The following LIPH variants were observed in gnomAD, a reference collection of about 807,000 sequenced individuals.
The protein encoded by LIPH is lipase H, also known as lipase member H.
A neutral mutation model predicts 47.6 loss-of-function variants in LIPH; 32 were observed. That is an observed-to-expected ratio of 0.67 (90% CI 0.51 to 0.90). The LOEUF (loss-of-function observed/expected upper bound fraction) is 0.90, where lower values mean the gene tolerates loss of function less well. Ranked by LOEUF, LIPH falls within the 40% of genes least tolerant of loss-of-function variation. The probability of loss-of-function intolerance (pLI) is 0.00; values close to 1 mark genes in which losing one functional copy is unlikely to be tolerated. For missense variants in LIPH, 497 were observed against 541.4 expected, an observed-to-expected ratio of 0.92 and a Z score of 0.81; for synonymous variants, 190 against 195.6, an observed-to-expected ratio of 0.97 and a Z score of 0.24.
chr3:185,525,215 A>AAAT (rs762317798), intron 4 of LIPH, among the ~76,000 whole-genome samples: 113 of 152,194 alleles, frequency 7.4e-4, no homozygotes, highest in African/African-American at 2.7e-3. Flanking sequence ...CTGTCTTAAA[A>AAAT]AATAATAATA....
intron 7 of LIPH, among the ~76,000 whole-genome samples, chr3:185,515,806 C>G (rs1719713580): frequency 6.6e-6 from 1 of 152,188 alleles, no homozygotes; most frequent in Admixed American, 6.5e-5. Context: ...GCTGGGAATG[C>G]AGGCGTGAGC....
chr3:185,552,227 C>T (rs1355385631), intron 1 of LIPH, among the ~76,000 whole-genome samples, 196 bp downstream of exon 1: 2 of 140,880 alleles, frequency 1.4e-5, no homozygotes, highest in Non-Finnish European at 3.1e-5. Flanking sequence ...TGAGAAAGTT[C>T]ATCTAACCTG....
intron 1 of LIPH, among the ~76,000 whole-genome samples, chr3:185,537,016 C>T (rs991465905): frequency 6.6e-6 from 1 of 152,138 alleles, no homozygotes; most frequent in African/African-American, 2.4e-5. Context: ...TCCCAAGTAG[C>T]TGGAATTACA....
At position 185,508,387 on chromosome 3, in the gene LIPH, A is replaced by C. The variant is rs1363123343; in HGVS notation, c.*403T>G. On this transcript the variant is annotated 3_prime_UTR_variant, in exon 10 of 10. Coordinates refer to ENST00000296252, the MANE Select transcript of LIPH (RefSeq NM_139248.3). ...CCTTCTACGTGTGGGAACTGGAGGA[A>C]TGTGGCACGGAGAATGCAGAGTTGA... 4 of 226,688 alleles carry C rather than the reference A, an allele frequency of 1.8e-5. No homozygotes were observed. Among genetic ancestry groups the C allele is most frequent in the Non-Finnish European group, 3.6e-5 (4 of 112,600 alleles). 14.0% of individuals were successfully genotyped at this position (226,688 alleles called of 1,614,324 possible).
At chr3:185,544,701 C>T (rs1720816777) in intron 1 of LIPH, among the ~76,000 whole-genome samples, 1 of 152,096 alleles carries the variant, frequency 6.6e-6, no homozygotes, top group Non-Finnish European at 1.5e-5. Flanking sequence ...CTGCAACATA[C>T]CTGAAGCATT....
intron 9 of LIPH, among the ~76,000 whole-genome samples, chr3:185,510,193 C>T (rs1719518426): frequency 6.6e-6 from 1 of 152,126 alleles, no homozygotes; most frequent in East Asian, 1.9e-4. Context: ...AGGTGATCCG[C>T]CCACTTTGGC....
chr3:185,542,509 G>T (rs1720744660), intron 1 of LIPH, among the ~76,000 whole-genome samples: 1 of 151,102 alleles, frequency 6.6e-6, no homozygotes, highest in Non-Finnish European at 1.5e-5. Flanking sequence ...TAAAGACAGG[G>T]TTTCACCATG....
intron 3 of LIPH, among the ~76,000 whole-genome samples, chr3:185,530,183 T>C (rs889972261): frequency 6.6e-6 from 1 of 150,940 alleles, no homozygotes; most frequent in Non-Finnish European, 1.5e-5. Flanking sequence ...GTCTCAAAAA[T>C]AAATAAGTAA....
chr3:185,526,617 TAATAAAATAAA>T lies in LIPH; in HGVS notation c.628+856_628+866del, dbSNP rs1560162849. ...AAATAAAATAAAATAAAAAATAAAA[TAATAAAATAAA>T]ATATAAAATAAATAAAATAAAATAA... is the stretch of plus-strand genomic sequence containing the variant. On this transcript the variant is annotated intron_variant, in intron 4 of 9. Transcript: ENST00000296252. Among the ~76,000 whole-genome samples the T allele has an allele frequency of 8.4e-5, 3 of 35,866 alleles. No individual in the cohort carries two copies. In the East Asian group the frequency reaches 4.0e-3, roughly 48 times the overall value. 23.5% of individuals were successfully genotyped at this position (35,866 alleles called of 152,430 possible).
intron 1 of LIPH, among the ~76,000 whole-genome samples, chr3:185,539,780 A>G (rs1220231913): frequency 1.3e-5 from 2 of 152,218 alleles, no homozygotes; most frequent in African/African-American, 2.4e-5. Context: ...TATTGGCATA[A>G]CATATACTTG....
At chr3:185,522,423 C>T (rs917978005) in intron 5 of LIPH, among the ~76,000 whole-genome samples, 3 of 142,168 alleles carry the variant, frequency 2.1e-5, no homozygotes, top group Admixed American at 7.5e-5. Flanking sequence ...GCAGGAGGAT[C>T]GCAAAGAAAG....
rs1305113480 is a variant in LIPH at position 185,538,876 on chromosome 3, T to TATATATAC, written c.50-3752_50-3745dup. Among the ~76,000 whole-genome samples the TATATATAC allele has an allele frequency of 1.5e-3, 217 of 140,858 alleles. 1 individual carries two copies. Among genetic ancestry groups the TATATATAC allele is most frequent in the African/African-American group, 4.9e-3 (188 of 38,512 alleles). 92.4% of individuals were successfully genotyped at this position (140,858 alleles called of 152,430 possible). A position where few individuals can be genotyped will look rare whatever the true frequency, so the allele number is the denominator to read the frequency against. ...ATATACATATATACATATATACACA[T>TATATATAC]ATATATACATATATACGTATATACA... On this transcript the variant is annotated intron_variant, in intron 1 of 9. Coordinates refer to ENST00000296252, the MANE Select transcript of LIPH (RefSeq NM_139248.3).
intron 2 of LIPH, 63 bp downstream of exon 2, chr3:185,534,702 T>C: frequency 1.3e-6 from 2 of 1,565,174 alleles, no homozygotes; most frequent in Non-Finnish European, 1.8e-6. Context: ...CTCTTGGCTT[T>C]AAGCCCTCAG....
chr3:185,549,928 G>A (rs1392367354), intron 1 of LIPH, among the ~76,000 whole-genome samples: 1 of 152,182 alleles, frequency 6.6e-6, no homozygotes. Context: ...ATTTTTGGAG[G>A]TGGAGTCTGC....
At chr3:185,538,920 C>CATAT (rs1260023237) in intron 1 of LIPH, among the ~76,000 whole-genome samples, 28 of 92,696 alleles carry the variant, frequency 3.0e-4, no homozygotes, top group African/African-American at 1.1e-3. Flanking sequence ...CATATATACA[C>CATAT]ATATACACAT....
At chr3:185,531,024 ACAGG>A (rs1279857386) in intron 3 of LIPH, among the ~76,000 whole-genome samples, 1 of 152,216 alleles carries the variant, frequency 6.6e-6, no homozygotes, top group Non-Finnish European at 1.5e-5. Context: ...TGAGACTGTC[ACAGG>A]CAGGCTTGGA....
chr3:185,520,901 G>T (rs894015890), intron 5 of LIPH, among the ~76,000 whole-genome samples: 2 of 135,714 alleles, frequency 1.5e-5, no homozygotes, highest in Admixed American at 8.1e-5. Context: ...ATGGAGTCTC[G>T]CTCTGTTGCC....
chr3:185,523,775 T>C (rs1383857074), intron 5 of LIPH, among the ~76,000 whole-genome samples: 4 of 145,690 alleles, frequency 2.7e-5, no homozygotes, highest in East Asian at 4.0e-4. Context: ...CAGGCTGGAG[T>C]GCAGTGGCGT....
chr3:185,526,562 GATAAAATAAAATAAAA>G (rs1720083567), intron 4 of LIPH, among the ~76,000 whole-genome samples: 2 of 106,338 alleles, frequency 1.9e-5, no homozygotes, highest in South Asian at 6.1e-4. Flanking sequence ...GATAAGATAA[GATAAAATAAAATAAAA>G]ATAAGATAAA....
Sources: allele counts gnomAD v4.1 joint callset (sites outside exome capture counted in the v4.1 genomes callset), GRCh38; gene constraint gnomAD v4.1.1; transcripts MANE v1.5; gene names NCBI Gene and HGNC (gene_info 2026-07-23, HGNC 2026-07-21).